GABRG3: variants seen among roughly 807,000 people sequenced by gnomAD.
The protein encoded by GABRG3 is gamma-aminobutyric acid receptor subunit gamma-3.
Under a neutral mutation model 48.8 loss-of-function variants are expected in GABRG3, and 25 were observed. The ratio of observed to expected loss-of-function variants is 0.51; its 90% confidence interval spans 0.37 to 0.72. GABRG3 has a LOEUF of 0.72. GABRG3 is among the 30% of genes least tolerant of loss of function. The probability of loss-of-function intolerance (pLI) is 0.00; values close to 1 mark genes in which losing one functional copy is unlikely to be tolerated. For missense variants in GABRG3, 394 were observed against 577.9 expected (o/e 0.68, Z 3.26); for synonymous variants, 227 against 217.6 (o/e 1.04, Z -0.38).
intron 2 of GABRG3, among the ~76,000 whole-genome samples, chr15:26,981,915 T>TACACACATGG (rs1437274090): frequency 6.6e-6 from 1 of 152,130 alleles, no homozygotes; most frequent in Admixed American, 6.5e-5. Context: ...AAAATCCATG[T>TACACACATGG]GTGTAGTGTG....
intron 3 of GABRG3, among the ~76,000 whole-genome samples, chr15:27,162,884 T>C (rs1381433666): frequency 6.6e-6 from 1 of 152,030 alleles, no homozygotes; most frequent in Non-Finnish European, 1.5e-5. Flanking sequence ...CTCTTACTTA[T>C]TTGATCTTAG....
At chr15:27,443,344 CTCTT>C (rs902876563) in intron 5 of GABRG3, among the ~76,000 whole-genome samples, 2 of 152,152 alleles carry the variant, frequency 1.3e-5, no homozygotes, top group African/African-American at 2.4e-5. Context: ...ATTGGTATAT[CTCTT>C]TATTTAGTTA....
chr15:27,041,382 C>A (rs1896273646), intron 3 of GABRG3, among the ~76,000 whole-genome samples: 1 of 152,080 alleles, frequency 6.6e-6, no homozygotes, highest in Non-Finnish European at 1.5e-5. Flanking sequence ...AGGGTTTTCC[C>A]ATGTTGCCCA....
At chr15:27,335,471 A>T (rs1266617988) in intron 5 of GABRG3, among the ~76,000 whole-genome samples, 1 of 152,186 alleles carries the variant, frequency 6.6e-6, no homozygotes, top group African/African-American at 2.4e-5. Flanking sequence ...TATGATTTTG[A>T]TTTGCATTTC....
chr15:27,101,511 A>G (rs964808595), intron 3 of GABRG3, among the ~76,000 whole-genome samples: 2 of 152,214 alleles, frequency 1.3e-5, no homozygotes, highest in African/African-American at 2.4e-5. Flanking sequence ...ATGAAATTGG[A>G]GGAATTAGTC....
At chr15:27,485,866 G>A (rs1890207969) in intron 6 of GABRG3, among the ~76,000 whole-genome samples, 1 of 152,134 alleles carries the variant, frequency 6.6e-6, no homozygotes, top group Non-Finnish European at 1.5e-5. Flanking sequence ...AGAAAAACAG[G>A]AAGAGAGAAA....
Position 27,280,837 on chromosome 15 carries a change from CCATT to C in GABRG3, c.271-45967_271-45964del, listed in dbSNP as rs371484413. ...AAATTCTACAAATGCCAATTTAAGC[CCATT>C]CATTAAATATATTGTCTAACCCTTT... On this transcript the variant is annotated intron_variant, in intron 3 of 9. Transcript: ENST00000615808. Among the ~76,000 whole-genome samples, 17 of 152,212 alleles carry C rather than the reference CCATT, an allele frequency of 1.1e-4. No individual in the cohort carries two copies. In the South Asian group the frequency reaches 3.5e-3, roughly 32 times the overall value.
chr15:27,477,650 T>C (rs1315652631), intron 5 of GABRG3, among the ~76,000 whole-genome samples: 5 of 152,322 alleles, frequency 3.3e-5, no homozygotes, highest in African/African-American at 1.2e-4. Context: ...TGGAGGAGGC[T>C]GTGCATGTGT....
At chr15:27,245,155 G>A (rs1044641154) in intron 3 of GABRG3, among the ~76,000 whole-genome samples, 6 of 152,158 alleles carry the variant, frequency 3.9e-5, no homozygotes, top group Admixed American at 1.3e-4. Flanking sequence ...CCTCTGCTGC[G>A]GTGTGGGAGA....
rs976533649 is a variant in GABRG3, at chr15:27,540,055, C to A, written c.*7174C>A. 1 of 152,126 alleles carries A rather than the reference C, an allele frequency of 6.6e-6. No individual in the cohort carries two copies. The highest frequency in any genetic ancestry group is 1.5e-5 in the Non-Finnish European group (1 of 68,022). The allele number at this position is 152,126 out of a possible 1,614,324, so 9.4% of individuals were successfully genotyped here. On this transcript the variant is annotated 3_prime_UTR_variant, in exon 10 of 10. Transcript: ENST00000615808. Reference sequence around the variant, plus strand: ...GCTTAGAGCCTTTTCTGAACTATAACGAAATCAGAACTTACATCGTGGAAA... The same window carrying A: ...GCTTAGAGCCTTTTCTGAACTATAAAGAAATCAGAACTTACATCGTGGAAA...
chr15:27,139,025 A>T (rs1898057987), intron 3 of GABRG3, among the ~76,000 whole-genome samples: 2 of 147,918 alleles, frequency 1.4e-5, no homozygotes, highest in South Asian at 4.6e-4. Context: ...ATAGATAGAC[A>T]GACAGACAGA....
At chr15:27,195,149 G>A (rs1888455211) in intron 3 of GABRG3, among the ~76,000 whole-genome samples, 1 of 151,714 alleles carries the variant, frequency 6.6e-6, no homozygotes, top group South Asian at 2.1e-4. Flanking sequence ...TCAAGAGAAT[G>A]AATAACTGCT....
At chr15:27,312,843 T>C (rs577688187) in intron 3 of GABRG3, among the ~76,000 whole-genome samples, 1 of 152,016 alleles carries the variant, frequency 6.6e-6, no homozygotes, top group East Asian at 1.9e-4. Context: ...AAAATCTCAT[T>C]AGTATAAGTA....
In GABRG3 at chr15:27,063,362, C is replaced by T. The variant is rs143027241; in HGVS notation, c.270+36541C>T. ...TCCCCTCCAGATCTCTGTTAAAATG[C>T]GATCCTCAGTCTCTGAGGTGGGGCC... On this transcript the variant is annotated intron_variant, in intron 3 of 9. Transcript: ENST00000615808. Among the ~76,000 whole-genome samples the T allele has an allele frequency of 6.1e-3, 931 of 152,344 alleles. 19 individuals are homozygous for T. The highest frequency in any genetic ancestry group is 0.046 in the South Asian group (220 of 4,828).
intron 3 of GABRG3, among the ~76,000 whole-genome samples, chr15:27,195,290 T>C (rs1888459625): frequency 6.6e-6 from 1 of 152,160 alleles, no homozygotes; most frequent in Non-Finnish European, 1.5e-5. Context: ...CTGGGCATGA[T>C]GAGTAATTTG....
At chr15:27,123,314 C>T (rs1163471407) in intron 3 of GABRG3, among the ~76,000 whole-genome samples, 1 of 152,096 alleles carries the variant, frequency 6.6e-6, no homozygotes, top group African/African-American at 2.4e-5. Context: ...AGAAACGTAA[C>T]CCCCAAGATG....
At chr15:27,268,125 A>G (rs1208498813) in intron 3 of GABRG3, among the ~76,000 whole-genome samples, 1 of 151,936 alleles carries the variant, frequency 6.6e-6, no homozygotes, top group Non-Finnish European at 1.5e-5. Flanking sequence ...TTTATTTTTT[A>G]CTGATATTGT....
At chr15:27,380,765 T>G (rs1245173061) in intron 5 of GABRG3, among the ~76,000 whole-genome samples, 3 of 4,772 alleles carry the variant, frequency 6.3e-4, no homozygotes, top group East Asian at 0.042. Flanking sequence ...TCTGTGTGGT[T>G]TTTTTTTTTT....
intron 5 of GABRG3, among the ~76,000 whole-genome samples, chr15:27,400,684 T>C (rs953416369): frequency 6.6e-6 from 1 of 152,228 alleles, no homozygotes; most frequent in Non-Finnish European, 1.5e-5. Flanking sequence ...TTGTGCTTTT[T>C]CAAATTAGTT....
Sources: allele counts gnomAD v4.1 joint callset (sites outside exome capture counted in the v4.1 genomes callset), GRCh38; gene constraint gnomAD v4.1.1; transcripts MANE v1.5; gene names NCBI Gene and HGNC (gene_info 2026-07-23, HGNC 2026-07-21).